Variants in TMTC4 observed in about 807,000 individuals in gnomAD.
The protein encoded by TMTC4 is transmembrane O-mannosyltransferase targeting cadherins 4.
A neutral mutation model predicts 86.0 loss-of-function variants in TMTC4; 65 were observed. That is an observed-to-expected ratio of 0.76 (90% CI 0.62 to 0.93). TMTC4 has a LOEUF of 0.93. Among genes scored for constraint, TMTC4 ranks in the 40% least tolerant of loss-of-function variants. The pLI, the probability that TMTC4 is intolerant of heterozygous loss-of-function variation, is 0.00. For synonymous variants in TMTC4, 379 were observed against 382.5 expected, an observed-to-expected ratio of 0.99 and a Z score of 0.11; for missense variants, 866 against 948.1, an observed-to-expected ratio of 0.91 and a Z score of 1.14.
Position 100,664,315 on chromosome 13 carries a change from G to A in TMTC4, c.241C>T (p.Leu81=), listed in dbSNP as rs267603740. 65 of 1,610,332 alleles carry A rather than the reference G, an allele frequency of 4.0e-5. 1 individual carries two copies. The highest frequency in any genetic ancestry group is 2.0e-4 in the South Asian group (18 of 90,630). ...AAGTCATGATGCCACAGGTCCCCCA[G>A]GGGCGTTTCTGCTTGGAGGTCCTGC... ...NNKDLQAETP[L]GDLWHHDFWG... is the part of the protein sequence containing the mutation. Residue 81 remains leucine (L), a synonymous_variant, in exon 4 of 19, where the codon CTG becomes TTG. Coordinates refer to ENST00000342624, the MANE Select transcript of TMTC4 (RefSeq NM_032813.5).
chr13:100,637,568 C>T lies in TMTC4; in HGVS notation c.969G>A (p.Pro323=), dbSNP rs549593733. ...CCAGCATGCTGTCAGCAAAGGAGGC[C>T]GGGTTGTCCACCTCGGTGAAGGCCG... The part of the protein sequence containing the change: ...GPPAFTEVDN[P]ASFADSMLVR... Residue 323 remains proline (P), a synonymous_variant, in exon 9 of 19, where the codon CCG becomes CCA. Coordinates refer to ENST00000342624, the MANE Select transcript of TMTC4 (RefSeq NM_032813.5). 27 of 1,614,028 alleles carry T rather than the reference C, an allele frequency of 1.7e-5. No homozygotes were observed. The highest frequency in any genetic ancestry group is 1.6e-4 in the East Asian group (7 of 44,874).
At chr13:100,668,443 A>G in intron 3 of TMTC4, 136 bp downstream of exon 3, 3 of 865,770 alleles carry the variant, frequency 3.5e-6, no homozygotes, top group Non-Finnish European at 5.3e-6. Context: ...GAAAAGAGAG[A>G]AAAATCGAGA....
In TMTC4 at chr13:100,603,876, G is replaced by A. The variant is rs566686798; in HGVS notation, c.*1118C>T. On this transcript the variant is annotated 3_prime_UTR_variant, in exon 19 of 19. Transcript: ENST00000342624. ...TTTGATTTCATTTTAAGGTAAAGGAGGATACAAAGTTCACTACTTGAAAAT... is the reference window on the plus strand; with the variant it reads ...TTTGATTTCATTTTAAGGTAAAGGAAGATACAAAGTTCACTACTTGAAAAT... 7.9e-5 allele frequency: 12 copies of A among 152,626 alleles called. No homozygotes were observed. Among genetic ancestry groups the A allele is most frequent in the African/African-American group, 2.6e-4 (11 of 41,528 alleles). 9.5% of individuals were successfully genotyped at this position (152,626 alleles called of 1,614,324 possible). A position where few individuals can be genotyped will look rare whatever the true frequency, so the allele number is the denominator to read the frequency against.
intron 1 of TMTC4, among the ~76,000 whole-genome samples, chr13:100,671,366 C>T (rs1348935710): frequency 6.6e-6 from 1 of 152,128 alleles, no homozygotes; most frequent in Admixed American, 6.5e-5. Context: ...AAATGGCCTT[C>T]TAAGTAGAAT....
At chr13:100,633,189 G>C (rs1211116213) in intron 12 of TMTC4, among the ~76,000 whole-genome samples, 1 of 151,770 alleles carries the variant, frequency 6.6e-6, no homozygotes, top group African/African-American at 2.4e-5. Flanking sequence ...GCGCATGCCT[G>C]TCCTAGCTAC....
chr13:100,633,174 T>C (rs1405864541), intron 12 of TMTC4, among the ~76,000 whole-genome samples: 1 of 151,834 alleles, frequency 6.6e-6, no homozygotes, highest in Non-Finnish European at 1.5e-5. Flanking sequence ...TAGCCGGGCA[T>C]AGTGGCGCAT....
intron 15 of TMTC4, among the ~76,000 whole-genome samples, chr13:100,616,519 G>T (rs1878532760): frequency 6.6e-6 from 1 of 152,160 alleles, no homozygotes; most frequent in South Asian, 2.1e-4. Flanking sequence ...CTTTTTGGTG[G>T]AATGATTTCT....
chr13:100,611,584 C>CA lies in TMTC4; in HGVS notation c.2064+813dup, dbSNP rs756182342. On this transcript the variant is annotated intron_variant, in intron 17 of 18. Coordinates refer to ENST00000342624, the MANE Select transcript of TMTC4 (RefSeq NM_032813.5). ...TGGGCGAAAGAGCGAGACTCCGTCT[C>CA]AAAAAAAACAAAAAAAATAAAAAAA... is the stretch of plus-strand genomic sequence containing the variant. Among the ~76,000 whole-genome samples the CA allele has an allele frequency of 1.0e-3, 153 of 151,056 alleles. No individual in the cohort carries two copies. The East Asian group carries it at 0.021, about 21-fold the overall frequency.
chr13:100,666,065 GT>G (rs1220859314), intron 3 of TMTC4: 1 of 456,584 alleles, frequency 2.2e-6, no homozygotes, highest in African/African-American at 2.0e-5. Context: ...CACCAACGAG[GT>G]TCTAAATATT....
chr13:100,629,907 C>T lies in TMTC4; in HGVS notation c.1507-3757G>A, dbSNP rs750881393. On this transcript the variant is annotated intron_variant, in intron 12 of 18. Transcript: ENST00000342624. Reference sequence around the variant, plus strand: ...TGAGGACACAGGGGGAAGGTGCCGTCTGCAAGCTAAGGAGAGAGGCCTCAC... The same window carrying T: ...TGAGGACACAGGGGGAAGGTGCCGTTTGCAAGCTAAGGAGAGAGGCCTCAC... Among the ~76,000 whole-genome samples the T allele has an allele frequency of 8.5e-5, 13 of 152,206 alleles. No homozygotes were observed. The Middle Eastern group carries it at 0.01, about 120-fold the overall frequency.
intron 6 of TMTC4, among the ~76,000 whole-genome samples, chr13:100,651,008 A>G (rs1884368016): frequency 6.6e-6 from 1 of 152,218 alleles, no homozygotes; most frequent in African/African-American, 2.4e-5. Flanking sequence ...GGGGAGCTAT[A>G]TAGCTTAAGA....
intron 4 of TMTC4, 107 bp from the exon 5 acceptor site, chr13:100,663,287 G>A (rs1322894660): frequency 2.0e-5 from 19 of 955,148 alleles, no homozygotes; most frequent in Admixed American, 4.6e-5. Flanking sequence ...AAGGAGAAGC[G>A]GAAGACTTTG....
intron 12 of TMTC4, among the ~76,000 whole-genome samples, chr13:100,627,362 G>T (rs1270011381): frequency 6.6e-6 from 1 of 152,224 alleles, no homozygotes; most frequent in African/African-American, 2.4e-5. Flanking sequence ...CACAAACTGA[G>T]GGGCTTAACA....
intron 5 of TMTC4, among the ~76,000 whole-genome samples, chr13:100,662,522 T>A (rs990239397): frequency 2.0e-5 from 3 of 152,098 alleles, no homozygotes; most frequent in Admixed American, 6.5e-5. Flanking sequence ...AAGGATTTTA[T>A]AAATCACAAA....
chr13:100,637,572 T>A lies in TMTC4; in HGVS notation c.965A>T (p.Asn322Ile), dbSNP rs760763096. 5.0e-6 allele frequency: 8 copies of A among 1,613,964 alleles called. No homozygotes were observed. Among genetic ancestry groups the A allele is most frequent in the Non-Finnish European group, 6.8e-6 (8 of 1,179,986 alleles). Reference protein sequence around the residue: ...TGPPAFTEVDNPASFADSMLV... With the variant: ...TGPPAFTEVDIPASFADSMLV... ...CATGCTGTCAGCAAAGGAGGCCGGG[T>A]TGTCCACCTCGGTGAAGGCCGGCGG... The change falls in exon 9 of 19, where the codon AAC becomes ATC. Residue 322 changes from asparagine to isoleucine, a missense_variant. Physicochemically the swap from Asn to Ile is moderately radical, Grantham distance 149. Coordinates refer to ENST00000342624, the MANE Select transcript of TMTC4 (RefSeq NM_032813.5).
chr13:100,608,245 G>A (rs2099919501), intron 17 of TMTC4, among the ~76,000 whole-genome samples: 1 of 152,178 alleles, frequency 6.6e-6, no homozygotes, highest in African/African-American at 2.4e-5. Flanking sequence ...CAGCAATTTG[G>A]GGGACACAGT....
chr13:100,673,633 A>G (rs560727195), intron 1 of TMTC4, among the ~76,000 whole-genome samples: 2 of 152,342 alleles, frequency 1.3e-5, no homozygotes, highest in Non-Finnish European at 2.9e-5. Context: ...CTGAAGGCTA[A>G]GGTATCGTCC....
In TMTC4 at chr13:100,674,767, C is replaced by T. The variant is rs1887638083; in HGVS notation, c.-231G>A. Reference sequence around the variant, plus strand: ...ACCTGCAAGGAGCCTGAGCCCCGGCCGCATCTCCCTCCCGGGTGCGGAAAC... The same window carrying T: ...ACCTGCAAGGAGCCTGAGCCCCGGCTGCATCTCCCTCCCGGGTGCGGAAAC... On this transcript the variant is annotated 5_prime_UTR_variant, in exon 1 of 19. Transcript: ENST00000342624. 3.0e-6 allele frequency: 3 copies of T among 983,920 alleles called. No homozygotes were observed. The highest frequency in any genetic ancestry group is 3.6e-6 in the Non-Finnish European group (3 of 829,388). The allele number at this position is 983,920 out of a possible 1,614,324, so 60.9% of individuals were successfully genotyped here.
At chr13:100,650,463 T>C (rs751647638) in intron 6 of TMTC4, among the ~76,000 whole-genome samples, 1 of 152,228 alleles carries the variant, frequency 6.6e-6, no homozygotes, top group Non-Finnish European at 1.5e-5. Context: ...AAGCATCACG[T>C]TGTACAAGTT....
Sources: allele counts gnomAD v4.1 joint callset (sites outside exome capture counted in the v4.1 genomes callset), GRCh38; gene constraint gnomAD v4.1.1; transcripts MANE v1.5; gene names NCBI Gene and HGNC (gene_info 2026-07-23, HGNC 2026-07-21).